The following DCDC1 variants were observed in gnomAD, a reference collection of about 807,000 sequenced individuals.
DCDC1 encodes doublecortin domain-containing protein 1.
A neutral mutation model predicts 178.3 loss-of-function variants in DCDC1; 200 were observed. The observed-to-expected ratio is 1.12, with a 90% confidence interval of 1.00 to 1.26. The LOEUF is 1.26. DCDC1 is among the 50% of genes most tolerant of loss of function. The pLI, the probability that DCDC1 is intolerant of heterozygous loss-of-function variation, is 0.00. For synonymous variants in DCDC1, 690 were observed against 604.8 expected, an observed-to-expected ratio of 1.14 and a Z score of -2.07; for missense variants, 1,983 against 1,749.2, an observed-to-expected ratio of 1.13 and a Z score of -2.38.
intron 2 of DCDC1, among the ~76,000 whole-genome samples, chr11:31,328,569 C>A (rs1050865695): frequency 1.3e-5 from 2 of 151,950 alleles, no homozygotes; most frequent in Non-Finnish European, 2.9e-5. Context: ...GAGGCCAAGG[C>A]GGGCGGATCA....
chr11:31,111,018 C>A (rs908738793), intron 11 of DCDC1, among the ~76,000 whole-genome samples: 4 of 152,054 alleles, frequency 2.6e-5, no homozygotes, highest in African/African-American at 4.8e-5. Flanking sequence ...TCAAAAGGAT[C>A]TGAATAAACC....
chr11:31,166,060 G>T (rs1046931924), intron 9 of DCDC1, among the ~76,000 whole-genome samples: 1 of 152,120 alleles, frequency 6.6e-6, no homozygotes, highest in Non-Finnish European at 1.5e-5. Flanking sequence ...AATAAATTTA[G>T]TATCTACTGT....
intron 27 of DCDC1, among the ~76,000 whole-genome samples, chr11:30,915,100 G>A (rs1237314285): frequency 6.6e-6 from 1 of 152,162 alleles, no homozygotes; most frequent in Admixed American, 6.5e-5. Flanking sequence ...GGAGGAAAGA[G>A]GGAAGGTGTG....
chr11:31,082,624 A>G (rs1372455486), intron 17 of DCDC1, among the ~76,000 whole-genome samples: 4 of 151,920 alleles, frequency 2.6e-5, no homozygotes, highest in African/African-American at 9.7e-5. Context: ...TCACACACAT[A>G]TATGTGTGTA....
chr11:31,043,868 T>C (rs1954644202), intron 20 of DCDC1, among the ~76,000 whole-genome samples: 1 of 151,658 alleles, frequency 6.6e-6, no homozygotes, highest in Non-Finnish European at 1.5e-5. Context: ...TATGTTTTCC[T>C]TTTTTGCGCT....
At chr11:31,300,073 G>C (rs1947989084) in intron 6 of DCDC1, among the ~76,000 whole-genome samples, 1 of 152,144 alleles carries the variant, frequency 6.6e-6, no homozygotes, top group African/African-American at 2.4e-5. Context: ...GGCCAGGATA[G>C]TGTTGATCTC....
intron 6 of DCDC1, among the ~76,000 whole-genome samples, chr11:31,295,115 T>G (rs576282131): frequency 6.6e-6 from 1 of 152,326 alleles, no homozygotes; most frequent in African/African-American, 2.4e-5. Flanking sequence ...TGTAGTAGTA[T>G]TTGTATATAA....
chr11:31,213,076 T>C (rs561360841), intron 9 of DCDC1, among the ~76,000 whole-genome samples: 8 of 149,166 alleles, frequency 5.4e-5, no homozygotes, highest in African/African-American at 1.5e-4. Context: ...GGTGAAACTG[T>C]GTCATCTTCT....
At chr11:31,213,113 C>T (rs1972883322) in intron 9 of DCDC1, among the ~76,000 whole-genome samples, 4 of 50,652 alleles carry the variant, frequency 7.9e-5, no homozygotes. Flanking sequence ...CTCTCTCTCT[C>T]TCTCTCTCTC....
At chr11:31,265,466 C>A (rs758381288) in intron 8 of DCDC1, 41 bp downstream of exon 8, 3 of 1,159,404 alleles carry the variant, frequency 2.6e-6, no homozygotes, top group East Asian at 5.7e-5. Flanking sequence ...AAATGTCTTT[C>A]AAAATATTAT....
intron 7 of DCDC1, among the ~76,000 whole-genome samples, chr11:31,284,621 T>G (rs1565548787): frequency 6.6e-6 from 1 of 151,992 alleles, no homozygotes; most frequent in Non-Finnish European, 1.5e-5. Flanking sequence ...ATTTTAACTT[T>G]CAAATTTAAT....
chr11:30,973,265 C>A (rs1211454795), intron 20 of DCDC1, among the ~76,000 whole-genome samples: 1 of 123,080 alleles, frequency 8.1e-6, no homozygotes, highest in African/African-American at 3.1e-5. Context: ...CAGAGTGAGA[C>A]TCCATCTCAA....
At chr11:31,015,048 G>A (rs548218423) in intron 20 of DCDC1, among the ~76,000 whole-genome samples, 3 of 150,996 alleles carry the variant, frequency 2.0e-5, no homozygotes, top group African/African-American at 2.4e-5. Context: ...CCAGTTTCAC[G>A]CCATTCTCCT....
At position 31,165,418 on chromosome 11, in the gene DCDC1, C is replaced by T. The variant is rs553467665; in HGVS notation, c.1222-27634G>A. On this transcript the variant is annotated intron_variant, in intron 9 of 38. Transcript: ENST00000684477. ...TGATCACAGCTCACTGCAACCTCAG[C>T]CTCCCACCTCAGCTTTTTGAGCAGT... Among the ~76,000 whole-genome samples the T allele has an allele frequency of 1.6e-4, 24 of 152,248 alleles. 2 individuals are homozygous for T. In the South Asian group the frequency reaches 4.6e-3, roughly 29 times the overall value.
At chr11:30,893,770 C>T (rs561596654) in intron 35 of DCDC1, among the ~76,000 whole-genome samples, 4 of 152,160 alleles carry the variant, frequency 2.6e-5, no homozygotes, top group African/African-American at 4.8e-5. Flanking sequence ...CAACAGCTGA[C>T]CTTTATCTTT....
chr11:30,986,492 C>T (rs1480892405), intron 20 of DCDC1, among the ~76,000 whole-genome samples: 1 of 151,934 alleles, frequency 6.6e-6, no homozygotes, highest in African/African-American at 2.4e-5. Context: ...ACCACCATGC[C>T]CAGCTAATTT....
chr11:31,336,030 C>T (rs554995045), intron 1 of DCDC1, among the ~76,000 whole-genome samples: 2 of 152,212 alleles, frequency 1.3e-5, no homozygotes, highest in African/African-American at 4.8e-5. Flanking sequence ...GTTAACAAAG[C>T]AGAAAAAAAC....
At chr11:31,018,259 A>G (rs1291446957) in intron 20 of DCDC1, among the ~76,000 whole-genome samples, 1 of 152,226 alleles carries the variant, frequency 6.6e-6, no homozygotes, top group Non-Finnish European at 1.5e-5. Context: ...ATCAGAGGGT[A>G]TTGAAAGAAA....
chr11:31,168,043 C>T (rs982017429), intron 9 of DCDC1, among the ~76,000 whole-genome samples: 1 of 152,096 alleles, frequency 6.6e-6, no homozygotes, highest in Non-Finnish European at 1.5e-5. Context: ...CTACAAACAA[C>T]CTCTCCCTAA....
Sources: gnomAD v4.1 joint callset for allele counts (sites outside exome capture counted in the v4.1 genomes callset) on GRCh38, gnomAD v4.1.1 for gene constraint, MANE v1.5 for transcripts, NCBI Gene and HGNC (gene_info 2026-07-23, HGNC 2026-07-21) for gene names.